Variants in ADGRL2 observed in about 807,000 individuals in gnomAD.
ADGRL2 encodes the protein calcium-independent alpha-latrotoxin receptor 2.
ADGRL2 carries 44 observed loss-of-function variants against 157.4 expected under a neutral mutation model. The ratio of observed to expected loss-of-function variants is 0.28; its 90% CI spans 0.22 to 0.36. The LOEUF (loss-of-function observed/expected upper bound fraction) is 0.36. Among genes scored for constraint, ADGRL2 ranks in the 10% least tolerant of loss-of-function variants. The pLI, the probability that ADGRL2 is intolerant of heterozygous loss-of-function variation, is 1.00. For missense variants in ADGRL2, 1,510 were observed against 1,768.9 expected (o/e 0.85, Z 2.63); for synonymous variants, 585 against 624.7 (o/e 0.94, Z 0.95).
intron 3 of ADGRL2, among the ~76,000 whole-genome samples, chr1:81,935,436 C>T (rs2095296300): frequency 6.6e-6 from 1 of 151,918 alleles, no homozygotes. Context: ...CTGTAGTTTT[C>T]AGGCTTTGCT....
intron 1 of ADGRL2, among the ~76,000 whole-genome samples, chr1:81,316,135 AAAAAAAAG>A (rs1282837266): frequency 4.5e-5 from 5 of 110,816 alleles, no homozygotes; most frequent in Non-Finnish European, 7.6e-5. Context: ...AAAAACAAAA[AAAAAAAAG>A]AAAAAAGAAG....
intron 2 of ADGRL2, among the ~76,000 whole-genome samples, chr1:81,840,345 CT>C (rs201689620): frequency 4.0e-5 from 6 of 151,420 alleles, no homozygotes; most frequent in South Asian, 4.2e-4. Flanking sequence ...CCTTTTAGAT[CT>C]TTTTTTTTCC....
intron 2 of ADGRL2, among the ~76,000 whole-genome samples, chr1:81,885,582 G>C (rs963665438): frequency 1.5e-4 from 23 of 152,158 alleles, no homozygotes; most frequent in African/African-American, 5.6e-4. Flanking sequence ...GTTCAGTCAA[G>C]CTGAGTGCAT....
intron 3 of ADGRL2, among the ~76,000 whole-genome samples, chr1:81,639,873 C>T (rs892038713): frequency 4.6e-5 from 7 of 152,054 alleles, no homozygotes; most frequent in African/African-American, 1.7e-4. Flanking sequence ...GCTAGATTAC[C>T]TACTAACTAA....
intron 1 of ADGRL2, among the ~76,000 whole-genome samples, chr1:81,321,430 T>C (rs182843744): frequency 6.6e-6 from 1 of 152,346 alleles, no homozygotes; most frequent in Admixed American, 6.5e-5. Flanking sequence ...GCTTTTAACA[T>C]GCCTTTCTCA....
chr1:81,830,581 C>T (rs528677667), intron 1 of ADGRL2, among the ~76,000 whole-genome samples: 1 of 152,230 alleles, frequency 6.6e-6, no homozygotes, highest in East Asian at 1.9e-4. Flanking sequence ...CATCTCTGCT[C>T]ACTGCAACCT....
intron 3 of ADGRL2, among the ~76,000 whole-genome samples, chr1:81,648,885 G>T (rs2082360875): frequency 6.6e-6 from 1 of 152,158 alleles, no homozygotes; most frequent in Non-Finnish European, 1.5e-5. Flanking sequence ...CTTTAACTCA[G>T]CTTACTGTAC....
At chr1:81,407,580 T>C (rs1424808665) in intron 1 of ADGRL2, among the ~76,000 whole-genome samples, 1 of 152,276 alleles carries the variant, frequency 6.6e-6, no homozygotes, top group African/African-American at 2.4e-5. Context: ...CTCTTAAACC[T>C]GATCTCATGG....
At chr1:81,639,866 A>G (rs2082185276) in intron 3 of ADGRL2, among the ~76,000 whole-genome samples, 1 of 152,174 alleles carries the variant, frequency 6.6e-6, no homozygotes, top group African/African-American at 2.4e-5. Flanking sequence ...CCAGGATGCT[A>G]GATTACCTAC....
At chr1:81,344,180 T>C (rs962751368) in intron 1 of ADGRL2, among the ~76,000 whole-genome samples, 1 of 152,166 alleles carries the variant, frequency 6.6e-6, no homozygotes, top group Admixed American at 6.5e-5. Flanking sequence ...GCAATTCTCA[T>C]GCCTGAGCCT....
chr1:81,629,858 T>A (rs1393615853), intron 3 of ADGRL2, among the ~76,000 whole-genome samples: 1 of 152,080 alleles, frequency 6.6e-6, no homozygotes, highest in Non-Finnish European at 1.5e-5. Context: ...GCCAACGTGC[T>A]GGGATTGCAA....
rs529670297 is a variant in ADGRL2, at chr1:81,710,218, A to T, written c.-143+10410A>T. Among the ~76,000 whole-genome samples, 67 of 152,322 alleles carry T rather than the reference A, an allele frequency of 4.4e-4. No homozygotes were observed. The South Asian group carries it at 0.014, about 32-fold the overall frequency. On this transcript the variant is annotated intron_variant, in intron 1 of 20. Coordinates refer to the ADGRL2 transcript ENST00000359929. Reference sequence around the variant, plus strand: ...TAAATAAACCCATATGAAGCACCTCACGAGTCTCAGGTACTCTGGACAGAA... The same window carrying T: ...TAAATAAACCCATATGAAGCACCTCTCGAGTCTCAGGTACTCTGGACAGAA...
chr1:81,822,153 T>C (rs116325671), intron 1 of ADGRL2, among the ~76,000 whole-genome samples: 2 of 151,636 alleles, frequency 1.3e-5, no homozygotes, highest in African/African-American at 2.4e-5. Flanking sequence ...GTCTGTCTTA[T>C]AATTTTGGAG....
At chr1:81,693,448 C>T (rs998159079) in intron 3 of ADGRL2, among the ~76,000 whole-genome samples, 1 of 152,182 alleles carries the variant, frequency 6.6e-6, no homozygotes, top group Non-Finnish European at 1.5e-5. Context: ...CTAATGCATT[C>T]GTCTGCACTG....
intron 2 of ADGRL2, among the ~76,000 whole-genome samples, chr1:81,767,011 T>G (rs987313110): frequency 6.6e-6 from 1 of 152,262 alleles, no homozygotes; most frequent in African/African-American, 2.4e-5. Context: ...GAATTTTCTC[T>G]ATCCCTTGCT....
intron 1 of ADGRL2, among the ~76,000 whole-genome samples, chr1:81,420,241 C>T (rs555965558): frequency 6.6e-6 from 1 of 152,286 alleles, no homozygotes; most frequent in African/African-American, 2.4e-5. Flanking sequence ...TTCTCATCAG[C>T]ATATTGGATA....
intron 1 of ADGRL2, among the ~76,000 whole-genome samples, chr1:81,387,703 T>G (rs2076462452): frequency 6.6e-6 from 1 of 152,132 alleles, no homozygotes; most frequent in African/African-American, 2.4e-5. Context: ...CTGTCTGCAG[T>G]TTCATAATGA....
At chr1:81,639,961 A>G (rs770857132) in intron 3 of ADGRL2, among the ~76,000 whole-genome samples, 15 of 152,156 alleles carry the variant, frequency 9.9e-5, no homozygotes, top group Non-Finnish European at 1.6e-4. Context: ...AGAGCAGATG[A>G]CATGGTTAAA....
chr1:81,871,269 C>A (rs1269737554), intron 2 of ADGRL2, among the ~76,000 whole-genome samples: 1 of 151,886 alleles, frequency 6.6e-6, no homozygotes, highest in African/African-American at 2.4e-5. Flanking sequence ...TGAACTCATC[C>A]TTTTTTATGG....
Sources: gnomAD v4.1 joint callset for allele counts (sites outside exome capture counted in the v4.1 genomes callset) on GRCh38, gnomAD v4.1.1 for gene constraint, MANE v1.5 for transcripts, NCBI Gene and HGNC (gene_info 2026-07-23, HGNC 2026-07-21) for gene names.